GABRB1: variants seen among roughly 807,000 people sequenced by gnomAD.
GABRB1 encodes the protein gamma-aminobutyric acid receptor subunit beta-1.
A neutral mutation model predicts 51.6 loss-of-function variants in GABRB1; 17 were observed. The ratio of observed to expected loss-of-function variants is 0.33; its 90% CI spans 0.23 to 0.49. The LOEUF (loss-of-function observed/expected upper bound fraction) is 0.49, where lower values mean the gene tolerates loss of function less well. Among genes scored for constraint, GABRB1 ranks in the 20% least tolerant of loss-of-function variants. The pLI is 0.99. For synonymous variants in GABRB1, 247 were observed against 218.9 expected (o/e 1.13, Z -1.14); for missense variants, 410 against 600.6 (o/e 0.68, Z 3.32).
chr4:47,180,541 T>G (rs1718900611), intron 4 of GABRB1, among the ~76,000 whole-genome samples: 2 of 152,066 alleles, frequency 1.3e-5, no homozygotes, highest in African/African-American at 4.8e-5. Flanking sequence ...AAGACTTAGT[T>G]ATTTGGATGC....
At chr4:47,317,042 T>C (rs994309871) in intron 4 of GABRB1, among the ~76,000 whole-genome samples, 1 of 151,972 alleles carries the variant, frequency 6.6e-6, no homozygotes, top group Non-Finnish European at 1.5e-5. Context: ...TGAGGTCCCT[T>C]ATCAAATTTG....
chr4:47,016,134 A>G (rs552235118), intron 1 of GABRB1, among the ~76,000 whole-genome samples: 1 of 152,320 alleles, frequency 6.6e-6, no homozygotes, highest in Admixed American at 6.5e-5. Context: ...GTATGTGGTA[A>G]TAGGGGAGAG....
intron 3 of GABRB1, among the ~76,000 whole-genome samples, chr4:47,040,672 T>C (rs1214796743): frequency 6.6e-6 from 1 of 152,156 alleles, no homozygotes; most frequent in African/African-American, 2.4e-5. Context: ...TATTGAATAT[T>C]GACATCAATG....
At chr4:47,425,512 A>AGATAGATAGATAGAT (rs1553884651) in intron 8 of GABRB1, among the ~76,000 whole-genome samples, 162 bp from the exon 9 acceptor site, 1 of 147,990 alleles carries the variant, frequency 6.8e-6, no homozygotes, top group African/African-American at 2.5e-5. Context: ...ATAGATAGAT[A>AGATAGATAGATAGAT]GATAGATCGA....
chr4:47,267,081 A>T (rs1722666985), intron 4 of GABRB1, among the ~76,000 whole-genome samples: 1 of 152,202 alleles, frequency 6.6e-6, no homozygotes, highest in African/African-American at 2.4e-5. Context: ...CCTTACTATT[A>T]AAATGAACAA....
chr4:47,350,088 C>A (rs1726251842), intron 5 of GABRB1, among the ~76,000 whole-genome samples: 1 of 150,798 alleles, frequency 6.6e-6, no homozygotes, highest in African/African-American at 2.4e-5. Flanking sequence ...TTATTGGTCT[C>A]AGATAAATTA....
chr4:47,408,039 C>T (rs1728635449), intron 8 of GABRB1, among the ~76,000 whole-genome samples: 1 of 152,164 alleles, frequency 6.6e-6, no homozygotes, highest in South Asian at 2.1e-4. Flanking sequence ...TTGCAGTGAG[C>T]AGAGATTGCG....
intron 3 of GABRB1, among the ~76,000 whole-genome samples, chr4:47,064,306 T>G (rs953476400): frequency 6.6e-6 from 1 of 152,184 alleles, no homozygotes; most frequent in Admixed American, 6.5e-5. Flanking sequence ...TAGGATACTT[T>G]GTCATTCTTC....
chr4:47,248,496 G>C (rs1234109186), intron 4 of GABRB1, among the ~76,000 whole-genome samples: 1 of 152,020 alleles, frequency 6.6e-6, no homozygotes, highest in Non-Finnish European at 1.5e-5. Context: ...CCTGGTTTTG[G>C]TATTAGGGTG....
intron 8 of GABRB1, among the ~76,000 whole-genome samples, chr4:47,416,998 A>G (rs538199204): frequency 6.6e-6 from 1 of 152,334 alleles, no homozygotes; most frequent in East Asian, 1.9e-4. Context: ...ATTTAAAAGT[A>G]GAGCAATTTG....
At chr4:47,024,127 T>C (rs1725014275) in intron 1 of GABRB1, among the ~76,000 whole-genome samples, 1 of 152,016 alleles carries the variant, frequency 6.6e-6, no homozygotes, top group Non-Finnish European at 1.5e-5. Flanking sequence ...TTGTTGTTTT[T>C]TGTTTTCTCC....
chr4:47,130,106 T>C (rs1716342607), intron 3 of GABRB1, among the ~76,000 whole-genome samples: 1 of 152,198 alleles, frequency 6.6e-6, no homozygotes, highest in African/African-American at 2.4e-5. Context: ...ACTGTCTCCA[T>C]AGCATTTGCT....
At chr4:47,385,916 A>G (rs1192259932) in intron 5 of GABRB1, among the ~76,000 whole-genome samples, 1 of 152,196 alleles carries the variant, frequency 6.6e-6, no homozygotes, top group African/African-American at 2.4e-5. Flanking sequence ...GAGCAGCCAG[A>G]TGAAAGAGAC....
intron 3 of GABRB1, among the ~76,000 whole-genome samples, chr4:47,078,376 C>G (rs960445414): frequency 6.6e-6 from 1 of 152,148 alleles, no homozygotes; most frequent in Non-Finnish European, 1.5e-5. Context: ...TTCTTTTCTC[C>G]TTTATATGTT....
chr4:47,031,688 C>G lies in GABRB1; in HGVS notation c.37C>G (p.Leu13Val), dbSNP rs763566824. Residue 13 changes from leucine to valine, a missense_variant, in exon 1 of 9, where the codon CTC (leucine) becomes GTC (valine). Physicochemically the swap from Leu to Val is conservative, Grantham distance 32. Coordinates refer to ENST00000295454, the MANE Select transcript of GABRB1 (RefSeq NM_000812.4). ...ACAAAATCGAGAGAGTCTGGGGCTTCTCTCTTTCCCTGTGATGATTACCAT... is the reference window on the plus strand; with the variant it reads ...ACAAAATCGAGAGAGTCTGGGGCTTGTCTCTTTCCCTGTGATGATTACCAT... ...TVQNRESLGL[L>V]SFPVMITMVC... 6 of 1,613,992 alleles carry G rather than the reference C, an allele frequency of 3.7e-6. No homozygotes were observed. Among genetic ancestry groups the G allele is most frequent in the Non-Finnish European group, 5.1e-6 (6 of 1,179,928 alleles).
intron 4 of GABRB1, among the ~76,000 whole-genome samples, chr4:47,280,426 A>G (rs1254635810): frequency 6.6e-6 from 1 of 151,250 alleles, no homozygotes; most frequent in African/African-American, 2.4e-5. Flanking sequence ...TTTTCACACC[A>G]CTATTACATT....
chr4:47,254,637 GC>G (rs1722131893), intron 4 of GABRB1, among the ~76,000 whole-genome samples: 1 of 151,958 alleles, frequency 6.6e-6, no homozygotes, highest in Non-Finnish European at 1.5e-5. Flanking sequence ...CTCTCAAAGT[GC>G]TGGGATTACC....
At position 47,288,035 on chromosome 4, in the gene GABRB1, C is replaced by G. The variant is rs556428060; in HGVS notation, c.462-32092C>G. The stretch of plus-strand genomic sequence containing the variant: ...GGCAGAGGCACTAAACTACATCAAG[C>G]CCAGTTTGTTGGCTCGCAAAATCTG... On this transcript the variant is annotated intron_variant, in intron 4 of 8. Coordinates refer to ENST00000295454, the MANE Select transcript of GABRB1 (RefSeq NM_000812.4). Among the ~76,000 whole-genome samples the G allele has an allele frequency of 8.9e-4, 136 of 152,256 alleles. 1 individual carries two copies. The highest frequency in any genetic ancestry group is 1.6e-3 in the Non-Finnish European group (108 of 68,026).
chr4:47,043,872 G>A (rs1274050771), intron 3 of GABRB1, among the ~76,000 whole-genome samples: 2 of 152,084 alleles, frequency 1.3e-5, no homozygotes, highest in African/African-American at 4.8e-5. Context: ...AAAACATAAT[G>A]CTAGTCTTCA....
Sources: allele counts gnomAD v4.1 joint callset (sites outside exome capture counted in the v4.1 genomes callset), GRCh38; gene constraint gnomAD v4.1.1; transcripts MANE v1.5; gene names NCBI Gene and HGNC (gene_info 2026-07-23, HGNC 2026-07-21).